Variants in ELAVL2 observed in about 807,000 individuals in gnomAD.
The protein encoded by ELAVL2 is ELAV-like protein 2.
ELAVL2 carries 4 observed loss-of-function variants against 34.6 expected under a neutral mutation model. That is an observed-to-expected ratio of 0.12 (90% CI 0.06 to 0.26). ELAVL2 has a LOEUF of 0.26. Among genes scored for constraint, ELAVL2 ranks in the 10% least tolerant of loss-of-function variants. The probability of loss-of-function intolerance (pLI) is 1.00; values close to 1 mark genes in which losing one functional copy is unlikely to be tolerated. For synonymous variants in ELAVL2, 193 were observed against 154.8 expected, an observed-to-expected ratio of 1.25 and a Z score of -1.83; for missense variants, 432 against 442.8, an observed-to-expected ratio of 0.98 and a Z score of 0.22.
At chr9:23,769,912 G>A (rs186376071) in intron 1 of ELAVL2, among the ~76,000 whole-genome samples, 1 of 152,262 alleles carries the variant, frequency 6.6e-6, no homozygotes, top group East Asian at 1.9e-4. Flanking sequence ...AGGTTAGAGA[G>A]GTAAGATAAT....
At chr9:23,723,426 A>C (rs2044255343) in intron 3 of ELAVL2, among the ~76,000 whole-genome samples, 1 of 151,672 alleles carries the variant, frequency 6.6e-6, no homozygotes, top group African/African-American at 2.4e-5. Context: ...TGTTGTGGGG[A>C]CGGGGGAGGG....
At chr9:23,716,489 C>G (rs1344346770) in intron 3 of ELAVL2, among the ~76,000 whole-genome samples, 1 of 152,006 alleles carries the variant, frequency 6.6e-6, no homozygotes, top group Non-Finnish European at 1.5e-5. Flanking sequence ...CAAAACAAAA[C>G]GAAAAACCTC....
chr9:23,733,252 A>C (rs2047039531), intron 2 of ELAVL2, among the ~76,000 whole-genome samples: 1 of 151,886 alleles, frequency 6.6e-6, no homozygotes, highest in African/African-American at 2.4e-5. Context: ...ATATATATAC[A>C]TATATGTGTG....
chr9:23,832,337 A>T, the ELAVL2 span: 1 of 152,188 alleles, frequency 6.6e-6, no homozygotes, highest in Non-Finnish European at 1.5e-5. Flanking sequence ...AGGATAATAC[A>T]GGAAACAAAA....
At chr9:23,777,994 T>G (rs928602011) in intron 1 of ELAVL2, among the ~76,000 whole-genome samples, 15 of 152,048 alleles carry the variant, frequency 9.9e-5, no homozygotes, top group African/African-American at 3.6e-4. Flanking sequence ...CTCTGAACAT[T>G]CTTCCTGATA....
chr9:23,798,678 C>T (rs192102672), intron 1 of ELAVL2, among the ~76,000 whole-genome samples: 5 of 152,070 alleles, frequency 3.3e-5, no homozygotes, highest in African/African-American at 4.8e-5. Flanking sequence ...GGAAGGGAGA[C>T]GAGGGAGGAG....
chr9:23,796,042 A>T (rs1241572819), intron 1 of ELAVL2, among the ~76,000 whole-genome samples: 1 of 152,164 alleles, frequency 6.6e-6, no homozygotes, highest in Non-Finnish European at 1.5e-5. Flanking sequence ...TGGTCCTTGG[A>T]CCTTCAATTG....
At chr9:23,820,583 G>A (rs895449008) in intron 1 of ELAVL2, among the ~76,000 whole-genome samples, 2 of 152,208 alleles carry the variant, frequency 1.3e-5, no homozygotes, top group Non-Finnish European at 2.9e-5. Context: ...TAGAGGCATG[G>A]TTTTACGCTC....
intron 3 of ELAVL2, among the ~76,000 whole-genome samples, chr9:23,730,705 G>A (rs117192521): frequency 6.6e-6 from 1 of 152,150 alleles, no homozygotes; most frequent in East Asian, 1.9e-4. Context: ...CTTTATAGAA[G>A]AACAAGTCTA....
chr9:23,827,513 A>G (rs2065359978), upstream of ELAVL2, among the ~76,000 whole-genome samples: 1 of 151,826 alleles, frequency 6.6e-6, no homozygotes, highest in Admixed American at 6.6e-5. Context: ...CTTCCTAGAC[A>G]GTTTTTACCA....
intron 3 of ELAVL2, among the ~76,000 whole-genome samples, chr9:23,729,156 T>C (rs1370584037): frequency 6.6e-6 from 1 of 152,254 alleles, no homozygotes; most frequent in Middle Eastern, 3.4e-3. Flanking sequence ...TTCTTCTGGA[T>C]CTTCGTGCAG....
rs951833268 is a variant in ELAVL2, at chr9:23,808,852, C to T, written c.-16+16954G>A. On this transcript the variant is annotated intron_variant, in intron 1 of 6. Transcript: ENST00000397312. ...CTTAAGGAGTCTGAACTATAACACC[C>T]AAAACTTAACAAAGTCCCTGGATCT... 7.2e-5 allele frequency among the ~76,000 whole-genome samples: 11 copies of T among 151,996 alleles called. 1 individual carries two copies. The highest frequency in any genetic ancestry group is 2.7e-4 in the African/African-American group (11 of 41,378).
At chr9:23,716,071 T>C (rs1181667198) in intron 3 of ELAVL2, among the ~76,000 whole-genome samples, 1 of 151,316 alleles carries the variant, frequency 6.6e-6, no homozygotes. Context: ...CTTAAATCTT[T>C]GTTTTTCACC....
In ELAVL2 at chr9:23,690,731, G is replaced by C. The variant is rs1395281110; in HGVS notation, c.*1826C>G. The C allele has an allele frequency of 6.6e-6, 1 of 152,574 alleles. No homozygotes were observed. The highest frequency in any genetic ancestry group is 6.5e-5 in the Admixed American group (1 of 15,278). The allele number at this position is 152,574 out of a possible 1,614,324, so 9.5% of individuals were successfully genotyped here. ...GCCTGTTCTAAGGGGAAGCATGTGA[G>C]CATCTCAGTTTATACAAAAAGCAGG... On this transcript the variant is annotated 3_prime_UTR_variant, in exon 7 of 7. Coordinates refer to ENST00000397312, the MANE Select transcript of ELAVL2 (RefSeq NM_004432.5).
At chr9:23,757,793 G>C (rs1449319859) in intron 2 of ELAVL2, among the ~76,000 whole-genome samples, 1 of 152,012 alleles carries the variant, frequency 6.6e-6, no homozygotes, top group Non-Finnish European at 1.5e-5. Flanking sequence ...GAAGATTATT[G>C]TATTTGCTAC....
At chr9:23,770,695 G>C (rs1373545497) in intron 1 of ELAVL2, among the ~76,000 whole-genome samples, 3 of 152,200 alleles carry the variant, frequency 2.0e-5, no homozygotes, top group African/African-American at 7.2e-5. Flanking sequence ...ACTCTGGGAG[G>C]AATGCAGCCC....
At chr9:23,752,132 G>C (rs947983450) in intron 2 of ELAVL2, among the ~76,000 whole-genome samples, 1 of 152,140 alleles carries the variant, frequency 6.6e-6, no homozygotes, top group Non-Finnish European at 1.5e-5. Flanking sequence ...CAACTGTCAC[G>C]TAACTGAATG....
intron 1 of ELAVL2, among the ~76,000 whole-genome samples, chr9:23,803,916 G>A (rs943381303): frequency 3.9e-5 from 6 of 152,090 alleles, no homozygotes; most frequent in Non-Finnish European, 8.8e-5. Context: ...ACTTGAGAGT[G>A]GCATCCACAT....
intron 5 of ELAVL2, among the ~76,000 whole-genome samples, chr9:23,699,623 G>A (rs1405943935): frequency 2.0e-5 from 3 of 151,922 alleles, no homozygotes; most frequent in Non-Finnish European, 4.4e-5. Flanking sequence ...TCCTACGTTT[G>A]CAATTTAAAA....
Sources: gnomAD v4.1 joint callset for allele counts (sites outside exome capture counted in the v4.1 genomes callset) on GRCh38, gnomAD v4.1.1 for gene constraint, MANE v1.5 for transcripts, NCBI Gene and HGNC (gene_info 2026-07-23, HGNC 2026-07-21) for gene names.